KIRREL2: variants seen among roughly 807,000 people sequenced by gnomAD.
The protein encoded by KIRREL2 is kirre like nephrin family adhesion molecule 2.
KIRREL2 carries 56 observed loss-of-function variants against 73.4 expected under a neutral mutation model. That is an observed-to-expected ratio of 0.76 (90% CI 0.62 to 0.95). The LOEUF (loss-of-function observed/expected upper bound fraction) is 0.95. Among genes scored for constraint, KIRREL2 ranks in the 40% least tolerant of loss-of-function variants. The pLI, the probability that KIRREL2 is intolerant of heterozygous loss-of-function variation, is 0.00. For missense variants in KIRREL2, 896 were observed against 935.0 expected (o/e 0.96, Z 0.54); for synonymous variants, 407 against 404.0 (o/e 1.01, Z -0.09).
rs775474220 is a variant in KIRREL2 at position 35,859,604 on chromosome 19, G to A, written c.646G>A (p.Asp216Asn). The change falls in exon 5 of 15, where the codon GAC becomes AAC. Residue 216 changes from aspartate to asparagine, a missense_variant. By Grantham distance (23) the Asp-to-Asn change is conservative. Transcript: ENST00000360202. ...ARSQALPTGRDTAITLSLQYP... is the reference protein window; with the variant it reads ...ARSQALPTGRNTAITLSLQYP... ...GAGCCAGGCCCTGCCCACAGGAAGAGACACAGCTATCACACTGAGCCTGCA... is the reference window on the plus strand; with the variant it reads ...GAGCCAGGCCCTGCCCACAGGAAGAAACACAGCTATCACACTGAGCCTGCA... 2 of 1,614,066 alleles carry A rather than the reference G, an allele frequency of 1.2e-6. No individual in the cohort carries two copies. The highest frequency in any genetic ancestry group is 8.5e-7 in the Non-Finnish European group (1 of 1,180,046).
At position 35,858,486 on chromosome 19, in the gene KIRREL2, A is replaced by C; in HGVS notation, c.290A>C (p.Asp97Ala). 6.2e-7 allele frequency: 1 copy of C among 1,614,150 alleles called. No homozygotes were observed. The highest frequency in any genetic ancestry group is 8.5e-7 in the Non-Finnish European group (1 of 1,180,016). Residue 97 changes from aspartate to alanine, a missense_variant, in exon 3 of 15, where the codon GAT becomes GCT. Transcript: ENST00000360202. ...CACATTAGGCCCGTGGAGCTAGAGG[A>C]TGAAGCATCATATGAATGTCAGGCT... ...DLHIRPVELE[D>A]EASYECQATQ...
At chr19:35,864,786 C>G in intron 14 of KIRREL2, 73 bp downstream of exon 14, 2 of 1,184,434 alleles carry the variant, frequency 1.7e-6, no homozygotes, top group Non-Finnish European at 1.3e-6. Flanking sequence ...GTTTCCGTCT[C>G]TCTCCCACGC....
At chr19:35,865,036 CCCA>C (rs1973905730) in intron 14 of KIRREL2, among the ~76,000 whole-genome samples, 1 of 152,076 alleles carries the variant, frequency 6.6e-6, no homozygotes, top group Admixed American at 6.6e-5. Flanking sequence ...CTACACTGGC[CCCA>C]CATCTCCCCA....
chr19:35,866,294 C>A lies in KIRREL2; in HGVS notation c.1929C>A (p.Asn643Lys), dbSNP rs1973963922. The A allele has an allele frequency of 1.9e-6, 3 of 1,612,944 alleles. No homozygotes were observed. Among genetic ancestry groups the A allele is most frequent in the Non-Finnish European group, 2.5e-6 (3 of 1,179,066 alleles). The change falls in exon 15 of 15, where the codon AAC becomes AAA. Residue 643 changes from asparagine (N) to lysine (K), a missense_variant. Asn to Lys is a moderately conservative substitution (Grantham distance 94). Coordinates refer to ENST00000360202, the MANE Select transcript of KIRREL2 (RefSeq NM_199180.4). Reference sequence around the variant, plus strand: ...GGACCCCTACCTTCTATGACTTCAACCCACACCTGGGCATGGTCCCCCCCT... The same window carrying A: ...GGACCCCTACCTTCTATGACTTCAAACCACACCTGGGCATGGTCCCCCCCT... ...PPGTPTFYDF[N>K]PHLGMVPPCR... is the part of the protein sequence containing the mutation.
chr19:35,861,365 CG>C, intron 9 of KIRREL2, 111 bp downstream of exon 9: 1 of 1,492,748 alleles, frequency 6.7e-7, no homozygotes, highest in Non-Finnish European at 8.9e-7. Context: ...TTACACCCAG[CG>C]GGGGCTGGAG....
At chr19:35,854,470 C>T (rs1380959208), upstream of KIRREL2, among the ~76,000 whole-genome samples, 3 of 151,616 alleles carry the variant, frequency 2.0e-5, no homozygotes, top group East Asian at 2.0e-4. Flanking sequence ...TACAGGCATG[C>T]GCCACCACGC....
upstream of KIRREL2, among the ~76,000 whole-genome samples, chr19:35,852,093 T>C (rs1973283281): frequency 6.9e-6 from 1 of 145,808 alleles, no homozygotes; most frequent in African/African-American, 2.7e-5. Context: ...TTTCTTTTTT[T>C]TTTCTTTTTT....
upstream of KIRREL2, chr19:35,851,605 C>T (rs145683325): frequency 6.2e-6 from 10 of 1,613,880 alleles, no homozygotes; most frequent in African/African-American, 2.7e-5. Flanking sequence ...CCTCCACCAC[C>T]GTCAGGTTTT....
At chr19:35,864,587 G>C in intron 13 of KIRREL2, 61 bp from the exon 14 acceptor site, 1 of 1,409,864 alleles carries the variant, frequency 7.1e-7, no homozygotes, top group Non-Finnish European at 1.0e-6. Flanking sequence ...GGTCCTTGGG[G>C]TCTGGCATTG....
At chr19:35,854,346 A>C (rs986398647), upstream of KIRREL2, among the ~76,000 whole-genome samples, 5 of 149,302 alleles carry the variant, frequency 3.3e-5, no homozygotes, top group Admixed American at 6.7e-5. Flanking sequence ...TTTGAGATGG[A>C]GTTTCACTCT....
Position 35,858,527 on chromosome 19 carries a change from C to T in KIRREL2, c.331C>T (p.Arg111Cys), listed in dbSNP as rs139225420. The change falls in exon 3 of 15, where the codon CGC (arginine) becomes TGC (cysteine). Residue 111 changes from arginine to cysteine, a missense_variant. Coordinates refer to ENST00000360202, the MANE Select transcript of KIRREL2 (RefSeq NM_199180.4). ...YECQATQAGL[R>C]SRPAQLHVLV... ...ATGTCAGGCTACACAAGCAGGCCTC[C>T]GCTCCAGACCAGCCCAACTGCACGT... 1.5e-5 allele frequency: 24 copies of T among 1,614,050 alleles called. No individual in the cohort carries two copies. In the African/African-American group the frequency reaches 1.6e-4, roughly 11 times the overall value.
rs754912152 is a variant in KIRREL2, at chr19:35,861,859, G to T, written c.1345G>T (p.Val449Leu). 14 of 1,591,134 alleles carry T rather than the reference G, an allele frequency of 8.8e-6. No individual in the cohort carries two copies. The highest frequency in any genetic ancestry group is 1.0e-5 in the Non-Finnish European group (12 of 1,168,946). The change falls in exon 11 of 15, where the codon GTG (valine) becomes TTG (leucine). Residue 449 changes from valine (V) to leucine (L), a missense_variant. Physicochemically the swap from Val to Leu is conservative, Grantham distance 32 (BLOSUM62 1). Transcript: ENST00000360202. ...LEAGSQGRFL[V>L]ETFPAPESRG... ...GGCGGGGTCGCAGGGCCGGTTCCTG[G>T]TGGAGACATTCCCTGCCCCAGAGAG...
rs192372377 is a variant in KIRREL2, at chr19:35,866,648, G to C, written c.*156G>C. 166 of 1,144,708 alleles carry C rather than the reference G, an allele frequency of 1.5e-4. 1 individual carries two copies. In the East Asian group the frequency reaches 3.9e-3, roughly 27 times the overall value. 70.9% of individuals were successfully genotyped at this position (1,144,708 alleles called of 1,614,324 possible). A position where few individuals can be genotyped will look rare whatever the true frequency, so the allele number is the denominator to read the frequency against. On this transcript the variant is annotated 3_prime_UTR_variant, in exon 15 of 15. Transcript: ENST00000360202. ...CATTTGTCAGGAGCATTTGTATACA[G>C]TCAGCTCAGCCAAAGGAGATGCCCC...
chr19:35,854,300 ATCTT>A (rs1016043676), upstream of KIRREL2, among the ~76,000 whole-genome samples: 4 of 151,192 alleles, frequency 2.6e-5, no homozygotes, highest in Admixed American at 2.0e-4. Flanking sequence ...CCCTTGATTT[ATCTT>A]TCTTTTTTTT....
Position 35,859,481 on chromosome 19 carries a change from A to T in KIRREL2, c.523A>T (p.Thr175Ser). The T allele has an allele frequency of 6.2e-7, 1 of 1,613,732 alleles. No individual in the cohort carries two copies. Among genetic ancestry groups the T allele is most frequent in the Non-Finnish European group, 8.5e-7 (1 of 1,179,718 alleles). Reference sequence around the variant, plus strand: ...TTATTATTCTTATCCTTCCCTCCAGACCCTGCTGAAGGAAGGGACCCCTGG... The same window carrying T: ...TTATTATTCTTATCCTTCCCTCCAGTCCCTGCTGAAGGAAGGGACCCCTGG... ...VLLDGATFHQ[T>S]LLKEGTPGSV... The change falls in exon 5 of 15, where the codon ACC becomes TCC. Residue 175 changes from threonine (T) to serine (S), a missense_variant and splice_region_variant. Physicochemically the swap from Thr to Ser is moderately conservative, Grantham distance 58. Coordinates refer to ENST00000360202, the MANE Select transcript of KIRREL2 (RefSeq NM_199180.4).
At position 35,858,503 on chromosome 19, in the gene KIRREL2, T is replaced by A. The variant is rs117351170; in HGVS notation, c.307T>A (p.Cys103Ser). 8.6e-4 allele frequency: 1,393 copies of A among 1,614,160 alleles called. 3 individuals carry two copies. The highest frequency in any genetic ancestry group is 1.1e-3 in the Non-Finnish European group (1,325 of 1,180,036). The part of the protein sequence containing the change: ...VELEDEASYE[C>S]QATQAGLRSR... ...GCTAGAGGATGAAGCATCATATGAA[T>A]GTCAGGCTACACAAGCAGGCCTCCG... The change falls in exon 3 of 15, where the codon TGT becomes AGT. Residue 103 changes from cysteine to serine, a missense_variant. Transcript: ENST00000360202.
At position 35,862,581 on chromosome 19, in the gene KIRREL2, C is replaced by T. The variant is rs139947115; in HGVS notation, c.1599C>T (p.Cys533=). Residue 533 remains cysteine, a synonymous_variant, in exon 12 of 15, where the codon TGC becomes TGT. Coordinates refer to ENST00000360202, the MANE Select transcript of KIRREL2 (RefSeq NM_199180.4). Reference sequence around the variant, plus strand: ...TCATCACTGGGGTGGCCCTCTGCTGCTGGCGCCACAGCAAGGGTTAGTGCC... The same window carrying T: ...TCATCACTGGGGTGGCCCTCTGCTGTTGGCGCCACAGCAAGGGTTAGTGCC... ...LMVITGVALC[C]WRHSKASASF... 5 of 1,607,314 alleles carry T rather than the reference C, an allele frequency of 3.1e-6. No individual in the cohort carries two copies. The African/African-American group carries it at 5.3e-5, about 17-fold the overall frequency.
rs761855042 is a variant in KIRREL2, at chr19:35,862,572, C to T, written c.1590C>T (p.Ala530=). 6.2e-7 allele frequency: 1 copy of T among 1,609,194 alleles called. No homozygotes were observed. The highest frequency in any genetic ancestry group is 8.5e-7 in the Non-Finnish European group (1 of 1,179,872). The change falls in exon 12 of 15, where the codon GCC becomes GCT. Residue 530 remains alanine (A), a synonymous_variant. Transcript: ENST00000360202. ...TCCTTATGGTCATCACTGGGGTGGC[C>T]CTCTGCTGCTGGCGCCACAGCAAGG... The part of the protein sequence containing the change: ...TTLLMVITGV[A]LCCWRHSKAS...
rs754943452 is a variant in KIRREL2, at chr19:35,866,379, A to C, written c.2014A>C (p.Ser672Arg). The change falls in exon 15 of 15, where the codon AGC becomes CGC. Residue 672 changes from serine (S) to arginine (R), a missense_variant. Ser to Arg is a moderately radical substitution (Grantham distance 110, BLOSUM62 -1). Coordinates refer to ENST00000360202, the MANE Select transcript of KIRREL2 (RefSeq NM_199180.4). ...LTTPHPRAFT[S>R]YIKPTSFGPP... The stretch of plus-strand genomic sequence containing the variant: ...CACACCCCACCCTCGAGCTTTCACC[A>C]GCTACATCAAACCCACATCCTTTGG... 4 of 1,611,986 alleles carry C rather than the reference A, an allele frequency of 2.5e-6. No homozygotes were observed. Among genetic ancestry groups the C allele is most frequent in the South Asian group, 2.2e-5 (2 of 90,998 alleles).
Sources: gnomAD v4.1 joint callset for allele counts (sites outside exome capture counted in the v4.1 genomes callset) on GRCh38, gnomAD v4.1.1 for gene constraint, MANE v1.5 for transcripts, NCBI Gene and HGNC (gene_info 2026-07-23, HGNC 2026-07-21) for gene names.